EXD3: variants seen among roughly 807,000 people sequenced by gnomAD.
EXD3 encodes the protein exonuclease 3'-5' domain containing 3, also known as exonuclease mut-7 homolog.
In EXD3, 92 loss-of-function variants were observed where a neutral mutation model predicts 98.0. The ratio of observed to expected loss-of-function variants is 0.94; its 90% CI spans 0.79 to 1.12. The LOEUF (loss-of-function observed/expected upper bound fraction) is 1.12, where lower values mean the gene tolerates loss of function less well. EXD3 is among the 50% of genes most tolerant of loss of function. EXD3 has a pLI of 0.00. For synonymous variants in EXD3, 569 were observed against 526.0 expected (o/e 1.08, Z -1.12); for missense variants, 1,222 against 1,191.6 (o/e 1.03, Z -0.38).
intron 17 of EXD3, among the ~76,000 whole-genome samples, chr9:137,334,611 G>A (rs1833258983): frequency 6.6e-6 from 1 of 152,120 alleles, no homozygotes; most frequent in Non-Finnish European, 1.5e-5. Flanking sequence ...TTAGATGTAA[G>A]ACTCGAACCA....
chr9:137,402,853 A>G (rs1564211914), intron 1 of EXD3, among the ~76,000 whole-genome samples: 1 of 152,188 alleles, frequency 6.6e-6, no homozygotes, highest in Non-Finnish European at 1.5e-5. Flanking sequence ...TCACGGTGGA[A>G]GGCGAAAGGC....
At chr9:137,318,445 C>T (rs568892933) in intron 19 of EXD3, among the ~76,000 whole-genome samples, 15 of 152,162 alleles carry the variant, frequency 9.9e-5, no homozygotes, top group Non-Finnish European at 1.6e-4. Flanking sequence ...GACGTGTCCC[C>T]GTGGGGGCTG....
At chr9:137,375,677 CAT>C (rs1488840065) in intron 3 of EXD3, among the ~76,000 whole-genome samples, 2 of 149,490 alleles carry the variant, frequency 1.3e-5, no homozygotes, top group Non-Finnish European at 2.9e-5. Flanking sequence ...TTCTAGCTCT[CAT>C]GAGTTCTAGC....
chr9:137,399,815 T>G (rs1588424649), intron 1 of EXD3, among the ~76,000 whole-genome samples: 1 of 151,892 alleles, frequency 6.6e-6, no homozygotes, highest in Non-Finnish European at 1.5e-5. Flanking sequence ...AGGCGGGCAG[T>G]TCACCTGAGG....
chr9:137,415,399 C>T (rs991151061), intron 1 of EXD3, among the ~76,000 whole-genome samples: 3 of 151,890 alleles, frequency 2.0e-5, no homozygotes, highest in Non-Finnish European at 4.4e-5. Context: ...TCTCCATGTT[C>T]GCCAGGCTGG....
intron 19 of EXD3, among the ~76,000 whole-genome samples, chr9:137,319,017 A>G (rs1213484874): frequency 1.3e-5 from 2 of 152,246 alleles, no homozygotes; most frequent in African/African-American, 2.4e-5. Flanking sequence ...AGCAGAAGGA[A>G]GAAGAAAATG....
intron 10 of EXD3, chr9:137,353,518 C>T (rs1457290489): frequency 4.1e-6 from 4 of 986,812 alleles, no homozygotes; most frequent in Non-Finnish European, 4.8e-6. Context: ...CAGGAGCAGA[C>T]AGAGGGGTGC....
intron 17 of EXD3, among the ~76,000 whole-genome samples, chr9:137,327,135 CTT>C (rs777851313): frequency 0.021 from 2,901 of 138,120 alleles, 89 homozygotes; most frequent in East Asian, 0.16. Flanking sequence ...GGTACGGAGT[CTT>C]TTTTTTTTTT....
At position 137,395,189 on chromosome 9, in the gene EXD3, AG is replaced by A. The variant is rs1486548592; in HGVS notation, c.55+113del. The stretch of plus-strand genomic sequence containing the variant: ...GTAGAGAGGCCCGCAGCTAGGGGCC[AG>A]CAGCCTGGCCCTCGTCACTGAGTAC... On this transcript the variant is annotated intron_variant, in intron 2 of 21. Coordinates refer to ENST00000340951, the MANE Select transcript of EXD3 (RefSeq NM_017820.5). This position sits in a 1 kb window ranked among gnomAD's most constrained non-coding sequence, Gnocchi z 6.5. 5.1e-6 allele frequency: 5 copies of A among 984,012 alleles called. No individual in the cohort carries two copies. Among genetic ancestry groups the A allele is most frequent in the Non-Finnish European group, 6.4e-6 (4 of 620,474 alleles). 61.0% of individuals were successfully genotyped at this position (984,012 alleles called of 1,614,324 possible).
At chr9:137,365,527 T>TAC (rs1467097679) in intron 7 of EXD3, 1 of 151,062 alleles carries the variant, frequency 6.6e-6, no homozygotes, top group Non-Finnish European at 1.4e-5. Flanking sequence ...CACACACACG[T>TAC]ACACACACAT....
intron 2 of EXD3, chr9:137,391,979 C>T (rs981713084): frequency 2.0e-5 from 3 of 152,198 alleles, no homozygotes; most frequent in South Asian, 2.1e-4. Context: ...GGAATACAGG[C>T]GCCCGCCACC....
intron 2 of EXD3, among the ~76,000 whole-genome samples, chr9:137,383,861 C>A (rs1276435020): frequency 6.6e-6 from 1 of 152,218 alleles, no homozygotes; most frequent in Non-Finnish European, 1.5e-5. Context: ...GCCTGGGAGG[C>A]CCCCGACCTC....
chr9:137,322,936 C>T (rs112321505), intron 19 of EXD3, among the ~76,000 whole-genome samples: 1 of 674 alleles, frequency 1.5e-3, no homozygotes, highest in South Asian at 0.1. Flanking sequence ...TGCCGACACC[C>T]CACCCCGGAC....
intron 17 of EXD3, among the ~76,000 whole-genome samples, chr9:137,342,731 C>T (rs931820545): frequency 6.6e-6 from 1 of 152,180 alleles, no homozygotes; most frequent in Non-Finnish European, 1.5e-5. Flanking sequence ...TGCAGCCAGG[C>T]CTTTCTTAGG....
At chr9:137,342,244 C>T (rs1283445534) in intron 17 of EXD3, among the ~76,000 whole-genome samples, 3 of 55,374 alleles carry the variant, frequency 5.4e-5, no homozygotes, top group Admixed American at 1.6e-4. Context: ...CACCAGGAGC[C>T]GTCTCCCAGG....
chr9:137,402,167 C>T (rs1261411303), intron 1 of EXD3, among the ~76,000 whole-genome samples: 1 of 152,070 alleles, frequency 6.6e-6, no homozygotes, highest in African/African-American at 2.4e-5. Context: ...AGGTGCGTGC[C>T]ACCACGCCCG....
At chr9:137,356,239 T>C in intron 8 of EXD3, 29 bp downstream of exon 8, 1 of 1,531,466 alleles carries the variant, frequency 6.5e-7, no homozygotes, top group African/African-American at 1.4e-5. Flanking sequence ...CCCTGGCCTG[T>C]GGGGCAGGAA....
Position 137,306,915 on chromosome 9 carries a change from G to A in EXD3, c.*35C>T, listed in dbSNP as rs1337902114. On this transcript the variant is annotated 3_prime_UTR_variant, in exon 22 of 22. Coordinates refer to ENST00000340951, the MANE Select transcript of EXD3 (RefSeq NM_017820.5). ...CCAGTCCACGGCCATGGGCCCAGCA[G>A]TCGGGCACTTTCCATGTTTATTGTC... The A allele has an allele frequency of 3.3e-6, 5 of 1,529,424 alleles. No individual in the cohort carries two copies. Among genetic ancestry groups the A allele is most frequent in the East Asian group, 2.3e-5 (1 of 43,918 alleles). 94.7% of individuals were successfully genotyped at this position (1,529,424 alleles called of 1,614,324 possible). A position where few individuals can be genotyped will look rare whatever the true frequency, so the allele number is the denominator to read the frequency against.
intron 1 of EXD3, among the ~76,000 whole-genome samples, chr9:137,415,529 C>A (rs901820065): frequency 6.6e-6 from 1 of 152,170 alleles, no homozygotes. Context: ...CCCTGTTCAC[C>A]GTGTTGGTTT....
Sources: allele counts gnomAD v4.1 joint callset (sites outside exome capture counted in the v4.1 genomes callset), GRCh38; gene constraint gnomAD v4.1.1; non-coding constraint Gnocchi (gnomAD v3.1); transcripts MANE v1.5; gene names NCBI Gene and HGNC (gene_info 2026-07-23, HGNC 2026-07-21).